The following EIF4E variants were observed in gnomAD, a reference collection of about 807,000 sequenced individuals.
EIF4E encodes eukaryotic translation initiation factor 4E, also known as eIF-4F 25 kDa subunit.
For missense variants in EIF4E, 113 were observed against 265.6 expected, an observed-to-expected ratio of 0.43 and a Z score of 3.99; for synonymous variants, 71 against 88.5, an observed-to-expected ratio of 0.80 and a Z score of 1.11.
rs1413606181 is a variant in EIF4E, at chr4:98,879,986, T to C, written c.*1042A>G. On this transcript the variant is annotated 3_prime_UTR_variant, in exon 7 of 7. Coordinates refer to ENST00000450253, the MANE Select transcript of EIF4E (RefSeq NM_001968.5). Reference sequence around the variant, plus strand: ...AGACACCACAAAAGAAGACATAATATAGAGACTGCCTTGCAATAAGAAGTA... The same window carrying C: ...AGACACCACAAAAGAAGACATAATACAGAGACTGCCTTGCAATAAGAAGTA... 1 of 152,616 alleles carries C rather than the reference T, an allele frequency of 6.6e-6. No individual in the cohort carries two copies. The highest frequency in any genetic ancestry group is 1.9e-4 in the East Asian group (1 of 5,186). The allele number at this position is 152,616 out of a possible 1,614,324, so 9.5% of individuals were successfully genotyped here.
chr4:98,913,668 T>G (rs1466930218), intron 1 of EIF4E, among the ~76,000 whole-genome samples: 1 of 152,148 alleles, frequency 6.6e-6, no homozygotes, highest in East Asian at 1.9e-4. Context: ...AATATATACC[T>G]TAAAAAAATT....
At chr4:98,921,949 A>G (rs1725658838) in intron 1 of EIF4E, among the ~76,000 whole-genome samples, 1 of 152,242 alleles carries the variant, frequency 6.6e-6, no homozygotes, top group South Asian at 2.1e-4. Context: ...CGATTGGTGT[A>G]ATTGCTTGGT....
rs17028258 is a variant in EIF4E at position 98,922,753 on chromosome 4, T to A, written c.18+6342A>T. Among the ~76,000 whole-genome samples the A allele has an allele frequency of 6.1e-3, 925 of 152,108 alleles. 7 individuals carry two copies. The highest frequency in any genetic ancestry group is 0.021 in the African/African-American group (874 of 41,522). Reference sequence around the variant, plus strand: ...ATAAATCCATATCCTTAATTCCATATCCCTATAAATCCAATGCTGGTTAGA... The same window carrying A: ...ATAAATCCATATCCTTAATTCCATAACCCTATAAATCCAATGCTGGTTAGA... On this transcript the variant is annotated intron_variant, in intron 1 of 6. Coordinates refer to ENST00000450253, the MANE Select transcript of EIF4E (RefSeq NM_001968.5).
At chr4:98,920,381 A>G (rs545117011) in intron 1 of EIF4E, among the ~76,000 whole-genome samples, 1 of 151,790 alleles carries the variant, frequency 6.6e-6, no homozygotes, top group Non-Finnish European at 1.5e-5. Flanking sequence ...GCTCACTGCA[A>G]CCTCCACCTC....
At chr4:98,882,127 T>A (rs1723717534) in intron 6 of EIF4E, among the ~76,000 whole-genome samples, 1 of 152,118 alleles carries the variant, frequency 6.6e-6, no homozygotes, top group Non-Finnish European at 1.5e-5. Context: ...GCGCGGTGGC[T>A]CACGCCTGTA....
chr4:98,895,101 C>T (rs1313231244), intron 2 of EIF4E: 1 of 152,196 alleles, frequency 6.6e-6, no homozygotes, highest in African/African-American at 2.4e-5. Context: ...CACCCCAAAA[C>T]AATTATAATA....
chr4:98,900,461 T>TA (rs963137368), intron 2 of EIF4E, among the ~76,000 whole-genome samples: 2 of 151,940 alleles, frequency 1.3e-5, no homozygotes, highest in Non-Finnish European at 2.9e-5. Flanking sequence ...AGGAAACATT[T>TA]AAAAAAATTG....
At chr4:98,921,006 A>T (rs1725621251) in intron 1 of EIF4E, among the ~76,000 whole-genome samples, 1 of 152,204 alleles carries the variant, frequency 6.6e-6, no homozygotes, top group Non-Finnish European at 1.5e-5. Context: ...ACTTATGTTA[A>T]TTATGAGTTC....
At chr4:98,904,624 A>G (rs1371007745) in intron 1 of EIF4E, among the ~76,000 whole-genome samples, 1 of 152,086 alleles carries the variant, frequency 6.6e-6, no homozygotes, top group East Asian at 1.9e-4. Flanking sequence ...TGCAAAAATT[A>G]GCTGGGCGTG....
At chr4:98,898,173 T>C (rs1347260659) in intron 2 of EIF4E, among the ~76,000 whole-genome samples, 1 of 152,204 alleles carries the variant, frequency 6.6e-6, no homozygotes, top group African/African-American at 2.4e-5. Context: ...CAATTATTTT[T>C]AAAGGCTTTT....
rs552890187 is a variant in EIF4E at position 98,928,522 on chromosome 4, G to A, written c.18+573C>T. On this transcript the variant is annotated intron_variant, in intron 1 of 6. Transcript: ENST00000450253. Reference sequence around the variant, plus strand: ...CTAAGCGAGGTCGAAGCTCCTCCGCGCGTGCCGCGGCACCACTCCCGCCTA... The same window carrying A: ...CTAAGCGAGGTCGAAGCTCCTCCGCACGTGCCGCGGCACCACTCCCGCCTA... 4.6e-5 allele frequency among the ~76,000 whole-genome samples: 7 copies of A among 152,060 alleles called. No individual in the cohort carries two copies. The East Asian group carries it at 1.4e-3, about 30-fold the overall frequency.
At chr4:98,927,179 C>T (rs984450213) in intron 1 of EIF4E, among the ~76,000 whole-genome samples, 1 of 152,128 alleles carries the variant, frequency 6.6e-6, no homozygotes, top group African/African-American at 2.4e-5. Flanking sequence ...GTAGCAACAA[C>T]TTATGAGTTT....
At chr4:98,882,061 G>A (rs1320051409) in intron 6 of EIF4E, among the ~76,000 whole-genome samples, 1 of 152,178 alleles carries the variant, frequency 6.6e-6, no homozygotes, top group African/African-American at 2.4e-5. Flanking sequence ...CAAGGTTTCA[G>A]AGGAAGATCA....
rs188740248 is a variant in EIF4E, at chr4:98,883,596, G to A, written c.539+1326C>T. ...TTTTTTGTATTTTTAGTAGAGACGG[G>A]GTTTCACCGTGTTGGCCAGGATGGT... On this transcript the variant is annotated intron_variant, in intron 6 of 6. Transcript: ENST00000450253. Among the ~76,000 whole-genome samples, 1,384 of 151,548 alleles carry A rather than the reference G, an allele frequency of 9.1e-3. 27 individuals carry two copies. Among genetic ancestry groups the A allele is most frequent in the African/African-American group, 0.032 (1,312 of 41,352 alleles).
chr4:98,928,902 T>C (rs371657287), intron 1 of EIF4E, 193 bp downstream of exon 1: 2 of 1,558,756 alleles, frequency 1.3e-6, no homozygotes, highest in South Asian at 2.4e-5. Flanking sequence ...CACCAGAAAG[T>C]GTGCGCTACA....
intron 1 of EIF4E, among the ~76,000 whole-genome samples, chr4:98,916,012 G>A (rs919282634): frequency 1.1e-4 from 16 of 151,168 alleles, no homozygotes; most frequent in African/African-American, 3.9e-4. Flanking sequence ...CCAACATGGT[G>A]AAAACTCGTC....
intron 1 of EIF4E, among the ~76,000 whole-genome samples, chr4:98,917,343 C>G (rs1331017364): frequency 6.6e-6 from 1 of 152,022 alleles, no homozygotes; most frequent in African/African-American, 2.4e-5. Flanking sequence ...ACTGAAGATT[C>G]TTTGCCTGGC....
Position 98,928,797 on chromosome 4 carries a change from A to G in EIF4E, c.18+298T>C. On this transcript the variant is annotated intron_variant, in intron 1 of 6. Coordinates refer to ENST00000450253, the MANE Select transcript of EIF4E (RefSeq NM_001968.5). ...ACCATCCTCGCATACCCAGCCCAGA[A>G]CCCCAGCTACCCTCCACCCTGTAGA... is the stretch of plus-strand genomic sequence containing the variant. 2.1e-6 allele frequency: 3 copies of G among 1,448,936 alleles called. 1 individual carries two copies. Among genetic ancestry groups the G allele is most frequent in the South Asian group, 2.7e-5 (2 of 73,126 alleles). The allele number at this position is 1,448,936 out of a possible 1,614,324, so 89.8% of individuals were successfully genotyped here.
At chr4:98,928,817 T>C in intron 1 of EIF4E, 1 of 1,513,894 alleles carries the variant, frequency 6.6e-7, no homozygotes, top group Non-Finnish European at 8.9e-7. Context: ...CCCTCCACCC[T>C]GTAGACACCT....
Sources: allele counts gnomAD v4.1 joint callset (sites outside exome capture counted in the v4.1 genomes callset), GRCh38; gene constraint gnomAD v4.1.1; transcripts MANE v1.5; gene names NCBI Gene and HGNC (gene_info 2026-07-23, HGNC 2026-07-21).